Variants in PCSK5 observed in about 807,000 individuals in gnomAD.
PCSK5 encodes the protein prohormone convertase 5.
PCSK5 carries 129 observed loss-of-function variants against 233.2 expected under a neutral mutation model. The ratio of observed to expected loss-of-function variants is 0.55; its 90% confidence interval spans 0.48 to 0.64. The LOEUF is 0.64. Among genes scored for constraint, PCSK5 ranks in the 30% least tolerant of loss-of-function variants. The pLI is 0.00. For missense variants in PCSK5, 2,076 were observed against 2,430.1 expected, an observed-to-expected ratio of 0.85 and a Z score of 3.06; for synonymous variants, 825 against 879.2, an observed-to-expected ratio of 0.94 and a Z score of 1.09.
intron 10 of PCSK5, among the ~76,000 whole-genome samples, chr9:76,150,120 C>T (rs1048294327): frequency 5.3e-5 from 8 of 152,152 alleles, no homozygotes; most frequent in Non-Finnish European, 1.2e-4. Flanking sequence ...TTTTCCTGAA[C>T]TCCATTTCCT....
chr9:76,124,615 TG>T (rs1423701798), intron 9 of PCSK5, among the ~76,000 whole-genome samples: 1 of 151,590 alleles, frequency 6.6e-6, no homozygotes, highest in Non-Finnish European at 1.5e-5. Flanking sequence ...CATGGTGGTG[TG>T]GGCCTGTAGA....
At chr9:76,175,715 G>A (rs186251963) in intron 14 of PCSK5, among the ~76,000 whole-genome samples, 1 of 152,072 alleles carries the variant, frequency 6.6e-6, no homozygotes, top group East Asian at 1.9e-4. Flanking sequence ...CCAGCTATGT[G>A]ATTGTTTATT....
At chr9:76,190,758 G>A (rs1824336097) in intron 20 of PCSK5, among the ~76,000 whole-genome samples, 1 of 152,102 alleles carries the variant, frequency 6.6e-6, no homozygotes, top group Admixed American at 6.5e-5. Flanking sequence ...GGAAATGATA[G>A]ACCTAAGTAT....
chr9:76,149,744 A>G lies in PCSK5; in HGVS notation c.1313-7301A>G, dbSNP rs577096784. Among the ~76,000 whole-genome samples, 21 of 152,322 alleles carry G rather than the reference A, an allele frequency of 1.4e-4. No individual in the cohort carries two copies. In the East Asian group the frequency reaches 4.0e-3, roughly 29 times the overall value. The stretch of plus-strand genomic sequence containing the variant: ...GGGATCTGGATATGATGTGGGTTAC[A>G]TGGCTGGGTCTCCCCAAGCTGGTAT... On this transcript the variant is annotated intron_variant, in intron 10 of 37. Coordinates refer to ENST00000674117, the MANE Select transcript of PCSK5 (RefSeq NM_001372043.1).
At chr9:75,977,982 A>G (rs764705195) in intron 2 of PCSK5, among the ~76,000 whole-genome samples, 1 of 152,156 alleles carries the variant, frequency 6.6e-6, no homozygotes, top group Non-Finnish European at 1.5e-5. Flanking sequence ...AATTATGTAA[A>G]GAAAGATCAT....
chr9:76,310,477 C>A (rs1159091558), intron 29 of PCSK5, among the ~76,000 whole-genome samples, 179 bp from the exon 30 acceptor site: 1 of 152,174 alleles, frequency 6.6e-6, no homozygotes, highest in African/African-American at 2.4e-5. Flanking sequence ...CTCTTGCTGT[C>A]AATTGCCTTC....
intron 1 of PCSK5, among the ~76,000 whole-genome samples, chr9:75,929,988 G>A (rs1823706152): frequency 6.6e-6 from 1 of 151,824 alleles, no homozygotes; most frequent in Non-Finnish European, 1.5e-5. Flanking sequence ...TCAGCCTCCT[G>A]AGTAGCTGGG....
At chr9:76,207,979 A>G (rs1395245802) in intron 20 of PCSK5, among the ~76,000 whole-genome samples, 5 of 152,206 alleles carry the variant, frequency 3.3e-5, no homozygotes, top group Admixed American at 1.3e-4. Context: ...TTGCTATATC[A>G]TAACATGGTA....
chr9:75,914,735 A>C (rs978357261), intron 1 of PCSK5, among the ~76,000 whole-genome samples: 4 of 152,164 alleles, frequency 2.6e-5, no homozygotes, highest in African/African-American at 4.8e-5. Context: ...TATTTCTTTA[A>C]TAATTCTTGC....
chr9:76,332,408 A>G, intron 33 of PCSK5, 25 bp from the exon 34 acceptor site: 2 of 1,594,708 alleles, frequency 1.3e-6, no homozygotes, highest in Non-Finnish European at 1.7e-6. Context: ...CGATGTCCAA[A>G]TAGACATTTT....
chr9:75,937,439 A>G (rs187689033), intron 2 of PCSK5, among the ~76,000 whole-genome samples: 213 of 152,256 alleles, frequency 1.4e-3, no homozygotes, highest in Non-Finnish European at 2.3e-3. Flanking sequence ...TTGGCCTCCC[A>G]AAGTGCTGGG....
In PCSK5 at chr9:76,006,054, A is replaced by G. The variant is rs181372671; in HGVS notation, c.412-17684A>G. 1.9e-3 allele frequency among the ~76,000 whole-genome samples: 283 copies of G among 151,226 alleles called. 1 individual carries two copies. The highest frequency in any genetic ancestry group is 6.5e-3 in the African/African-American group (269 of 41,210). On this transcript the variant is annotated intron_variant, in intron 3 of 37. Coordinates refer to ENST00000674117, the MANE Select transcript of PCSK5 (RefSeq NM_001372043.1). ...TTTTTTTAATTTTTTTCTAGAGATC[A>G]AGTCTCACCATCTTTCCAAGGCTAA...
intron 9 of PCSK5, among the ~76,000 whole-genome samples, chr9:76,120,764 G>C (rs960196438): frequency 6.6e-6 from 1 of 151,566 alleles, no homozygotes; most frequent in Non-Finnish European, 1.5e-5. Context: ...ATTCTTATTG[G>C]ATAGTGGTAC....
intron 5 of PCSK5, among the ~76,000 whole-genome samples, chr9:76,046,737 T>A (rs1352332630): frequency 1.3e-5 from 2 of 151,296 alleles, no homozygotes; most frequent in Non-Finnish European, 2.9e-5. Flanking sequence ...ATTTTTTGTA[T>A]TTTTAGTAGA....
intron 3 of PCSK5, 137 bp from the exon 4 acceptor site, chr9:76,023,601 G>C (rs1828292038): frequency 1.5e-6 from 1 of 686,058 alleles, no homozygotes; most frequent in Non-Finnish European, 2.3e-6. Flanking sequence ...GGAGTTTGAG[G>C]TTACAGTAAG....
At chr9:76,265,966 G>T (rs939334423) in intron 24 of PCSK5, among the ~76,000 whole-genome samples, 2 of 152,066 alleles carry the variant, frequency 1.3e-5, no homozygotes, top group Admixed American at 1.3e-4. Flanking sequence ...ATTAGCTCTT[G>T]GTGCCCATTT....
intron 10 of PCSK5, among the ~76,000 whole-genome samples, chr9:76,140,350 C>T (rs1823159824): frequency 6.6e-6 from 1 of 151,870 alleles, no homozygotes; most frequent in Admixed American, 6.6e-5. Flanking sequence ...TTGAGGAAGC[C>T]AATTAGAGTT....
intron 5 of PCSK5, among the ~76,000 whole-genome samples, chr9:76,028,255 A>G (rs1196654070): frequency 6.6e-6 from 1 of 152,226 alleles, no homozygotes; most frequent in East Asian, 1.9e-4. Context: ...GTAACTGCCC[A>G]GTGGGTTCAC....
At chr9:76,300,915 T>C (rs765771829) in intron 27 of PCSK5, among the ~76,000 whole-genome samples, 15 of 152,124 alleles carry the variant, frequency 9.9e-5, no homozygotes, top group Non-Finnish European at 1.5e-4. Context: ...TTTGACTCGG[T>C]CCAGTTTTAA....
Sources: gnomAD v4.1 joint callset for allele counts (sites outside exome capture counted in the v4.1 genomes callset) on GRCh38, gnomAD v4.1.1 for gene constraint, MANE v1.5 for transcripts, NCBI Gene and HGNC (gene_info 2026-07-23, HGNC 2026-07-21) for gene names.